CARMIL1: variants seen among roughly 807,000 people sequenced by gnomAD.
CARMIL1 encodes F-actin-uncapping protein LRRC16A.
In CARMIL1, 90 loss-of-function variants were observed where a neutral mutation model predicts 177.1. The ratio of observed to expected loss-of-function variants is 0.51; its 90% CI spans 0.43 to 0.61. CARMIL1 has a LOEUF of 0.61. Ranked by LOEUF, CARMIL1 falls within the 20% of genes least tolerant of loss-of-function variation. CARMIL1 has a pLI of 0.00. For synonymous variants in CARMIL1, 577 were observed against 606.2 expected, an observed-to-expected ratio of 0.95 and a Z score of 0.71; for missense variants, 1,380 against 1,667.0, an observed-to-expected ratio of 0.83 and a Z score of 3.00.
chr6:25,584,213 T>A (rs115128032), intron 31 of CARMIL1, among the ~76,000 whole-genome samples: 4 of 150,128 alleles, frequency 2.7e-5, no homozygotes, highest in Non-Finnish European at 5.9e-5. Context: ...ATTTAAATAT[T>A]TTTTTTTGTA....
rs75411248 is a variant in CARMIL1, at chr6:25,567,041, A to G, written c.2742+10191A>G. 2.7e-3 allele frequency among the ~76,000 whole-genome samples: 417 copies of G among 152,246 alleles called. 1 individual carries two copies. Among genetic ancestry groups the G allele is most frequent in the Non-Finnish European group, 4.6e-3 (316 of 68,010 alleles). Reference sequence around the variant, plus strand: ...CCAGGTGTGGTAGCTATTTTAACCCATTTTTCAGATGAGACTCTTAGAAGT... The same window carrying G: ...CCAGGTGTGGTAGCTATTTTAACCCGTTTTTCAGATGAGACTCTTAGAAGT... On this transcript the variant is annotated intron_variant, in intron 29 of 36. Transcript: ENST00000329474.
At chr6:25,567,802 C>G (rs1811686183) in intron 29 of CARMIL1, among the ~76,000 whole-genome samples, 1 of 152,308 alleles carries the variant, frequency 6.6e-6, no homozygotes, top group East Asian at 1.9e-4. Context: ...GTGATTCTGT[C>G]TAAATTTCTA....
chr6:25,405,095 T>A lies in CARMIL1; in HGVS notation c.139-15019T>A, dbSNP rs147467914. ...AAAAGCTCTGCCTGAACTTTCAGTT[T>A]ATCTTGAAACTTTGAGACATTTGTC... On this transcript the variant is annotated intron_variant, in intron 2 of 36. Transcript: ENST00000329474. 2.0e-4 allele frequency among the ~76,000 whole-genome samples: 31 copies of A among 152,372 alleles called. No individual in the cohort carries two copies. The East Asian group carries it at 6.0e-3, about 29-fold the overall frequency.
In CARMIL1 at chr6:25,594,047, C is replaced by CAGT. The variant is rs199544676; in HGVS notation, c.3007-368_3007-367insAGT. 2.2e-3 allele frequency among the ~76,000 whole-genome samples: 338 copies of CAGT among 152,320 alleles called. 9 individuals carry two copies. The East Asian group carries it at 0.058, about 26-fold the overall frequency. On this transcript the variant is annotated intron_variant, in intron 31 of 36. Coordinates refer to ENST00000329474, the MANE Select transcript of CARMIL1 (RefSeq NM_017640.6). The stretch of plus-strand genomic sequence containing the variant: ...ACACCTCAGGGCCCTGGAGTCATCA[C>CAGT]CACTCTCAGAAGTCAGTGCGTGTTT...
Position 25,435,601 on chromosome 6 carries a change from C to T in CARMIL1, c.368C>T (p.Pro123Leu). 1 of 1,576,654 alleles carries T rather than the reference C, an allele frequency of 6.3e-7. No homozygotes were observed. The highest frequency in any genetic ancestry group is 8.6e-7 in the Non-Finnish European group (1 of 1,160,178). ...CLRKIFPGLS[P>L]VRIMKKVSME... Reference sequence around the variant, plus strand: ...AGGAAGATATTTCCTGGCCTCTCTCCAGTGTGAGTTTCCCTGGGCAGGGTG... The same window carrying T: ...AGGAAGATATTTCCTGGCCTCTCTCTAGTGTGAGTTTCCCTGGGCAGGGTG... The change falls in exon 5 of 37, where the codon CCA becomes CTA. Residue 123 changes from proline (P) to leucine (L), a missense_variant. Physicochemically the swap from Pro to Leu is moderately conservative, Grantham distance 98 (BLOSUM62 -3). Coordinates refer to ENST00000329474, the MANE Select transcript of CARMIL1 (RefSeq NM_017640.6).
intron 2 of CARMIL1, among the ~76,000 whole-genome samples, chr6:25,371,548 T>A (rs1025168587): frequency 1.3e-4 from 20 of 152,336 alleles, no homozygotes; most frequent in African/African-American, 4.6e-4. Flanking sequence ...GTTGGCCATT[T>A]GTATATCTTC....
intron 16 of CARMIL1, among the ~76,000 whole-genome samples, chr6:25,498,069 A>G (rs1418269158): frequency 6.6e-6 from 1 of 152,138 alleles, no homozygotes; most frequent in Non-Finnish European, 1.5e-5. Flanking sequence ...GTTCCTGGTT[A>G]CTGCTCATTC....
At chr6:25,284,783 T>C in intron 1 of CARMIL1, 29 bp from the exon 2 acceptor site, 2 of 1,298,530 alleles carry the variant, frequency 1.5e-6, no homozygotes, top group South Asian at 1.3e-5. Flanking sequence ...TTTTTTCTTA[T>C]TAATAACATA....
chr6:25,526,148 T>TATAA (rs1484928839), intron 23 of CARMIL1, among the ~76,000 whole-genome samples: 1 of 113,962 alleles, frequency 8.8e-6, no homozygotes, highest in Non-Finnish European at 1.8e-5. Flanking sequence ...CTACTAAAAA[T>TATAA]ACAAATAAAT....
At chr6:25,296,198 G>T (rs1025193241) in intron 2 of CARMIL1, among the ~76,000 whole-genome samples, 2 of 152,168 alleles carry the variant, frequency 1.3e-5, no homozygotes, top group African/African-American at 4.8e-5. Context: ...AGAAGCTGCA[G>T]AGTAGTCCTT....
intron 2 of CARMIL1, among the ~76,000 whole-genome samples, chr6:25,316,556 C>T (rs952604934): frequency 3.3e-5 from 5 of 152,018 alleles, no homozygotes; most frequent in East Asian, 3.9e-4. Context: ...GAATTACAGG[C>T]GCATGTCACT....
intron 26 of CARMIL1, among the ~76,000 whole-genome samples, chr6:25,540,391 C>T (rs1808777382): frequency 6.6e-6 from 1 of 152,098 alleles, no homozygotes; most frequent in South Asian, 2.1e-4. Flanking sequence ...CTGTTATTAA[C>T]ATCTGATTTA....
intron 2 of CARMIL1, among the ~76,000 whole-genome samples, chr6:25,318,404 T>C (rs1784435469): frequency 6.6e-6 from 1 of 152,138 alleles, no homozygotes; most frequent in South Asian, 2.1e-4. Flanking sequence ...GCCTTGATGT[T>C]GCTTTGAAAA....
intron 9 of CARMIL1, among the ~76,000 whole-genome samples, chr6:25,468,510 C>G (rs574947243): frequency 6.6e-6 from 1 of 152,312 alleles, no homozygotes; most frequent in Admixed American, 6.5e-5. Context: ...GTGCAAGCTC[C>G]TGGAGAGCCA....
chr6:25,553,999 T>C lies in CARMIL1; in HGVS notation c.2505-10T>C, dbSNP rs775012640. ...TAAAATGGTACTCTGTCCTTTTGAT[T>C]TTCACACAGTGAAGTAAAATTGACA... On this transcript the variant is annotated splice_polypyrimidine_tract_variant and intron_variant, in intron 27 of 36. Transcript: ENST00000329474. 2.5e-6 allele frequency: 4 copies of C among 1,577,200 alleles called. No individual in the cohort carries two copies. The African/African-American group carries it at 5.4e-5, about 21-fold the overall frequency.
intron 13 of CARMIL1, among the ~76,000 whole-genome samples, chr6:25,490,715 A>G (rs1803122832): frequency 1.0e-5 from 1 of 96,674 alleles, no homozygotes; most frequent in East Asian, 4.5e-4. Context: ...ATAAATAAAT[A>G]AATAAATAAA....
intron 36 of CARMIL1, among the ~76,000 whole-genome samples, chr6:25,618,515 C>T (rs1012702902): frequency 3.3e-5 from 5 of 152,132 alleles, no homozygotes; most frequent in Non-Finnish European, 5.9e-5. Context: ...GTACAGCATC[C>T]GAACCTTTTC....
rs1404962947 is a variant in CARMIL1, at chr6:25,399,434, G to T, written c.139-20680G>T. Among the ~76,000 whole-genome samples the T allele has an allele frequency of 5.9e-5, 9 of 152,168 alleles. No individual in the cohort carries two copies. The South Asian group carries it at 8.3e-4, about 14-fold the overall frequency. On this transcript the variant is annotated intron_variant, in intron 2 of 36. Transcript: ENST00000329474. ...ACCCGAATGTTCTAAGTGTATCGTG[G>T]ATGGTTTATGTTTGGTGACTGGATA...
chr6:25,503,187 A>G (rs909670370), intron 17 of CARMIL1, among the ~76,000 whole-genome samples: 4 of 152,192 alleles, frequency 2.6e-5, no homozygotes, highest in African/African-American at 9.6e-5. Context: ...TTGGCCTTTC[A>G]CTTATGCATT....
Sources: allele counts gnomAD v4.1 joint callset (sites outside exome capture counted in the v4.1 genomes callset), GRCh38; gene constraint gnomAD v4.1.1; transcripts MANE v1.5; gene names NCBI Gene and HGNC (gene_info 2026-07-23, HGNC 2026-07-21).